CTXN2: variants seen among roughly 807,000 people sequenced by gnomAD.
The protein encoded by CTXN2 is cortexin-2.
In CTXN2, 3 loss-of-function variants were observed where a neutral mutation model predicts 5.7. The observed-to-expected ratio is 0.53, with a 90% CI of 0.24 to 1.36. The LOEUF is 1.36. CTXN2 is among the 40% of genes most tolerant of loss of function. The probability of loss-of-function intolerance (pLI) is 0.17; values close to 1 mark genes in which losing one functional copy is unlikely to be tolerated. For synonymous variants in CTXN2, 38 were observed against 36.4 expected (o/e 1.04, Z -0.16); for missense variants, 87 against 93.0 (o/e 0.94, Z 0.26).
At chr15:48,194,554 A>T (rs2040859366) in intron 1 of CTXN2, among the ~76,000 whole-genome samples, 1 of 152,152 alleles carries the variant, frequency 6.6e-6, no homozygotes, top group African/African-American at 2.4e-5. Flanking sequence ...GCAGAATTTG[A>T]CACTGTTTGC....
rs757160687 is a variant in CTXN2, at chr15:48,202,626, G to A, written c.*1080G>A. On this transcript the variant is annotated 3_prime_UTR_variant, in exon 2 of 2. Coordinates refer to ENST00000417307, the MANE Select transcript of CTXN2 (RefSeq NM_001145668.2). ...TCAGCAATATTGAGAGGGCCAATTAGATATAATGAATGTGAAAGCATTTTG... is the reference window on the plus strand; with the variant it reads ...TCAGCAATATTGAGAGGGCCAATTAAATATAATGAATGTGAAAGCATTTTG... The A allele has an allele frequency of 6.0e-6, 1 of 166,980 alleles. No homozygotes were observed. The highest frequency in any genetic ancestry group is 2.4e-5 in the African/African-American group (1 of 41,426). The allele number at this position is 166,980 out of a possible 1,614,324, so 10.3% of individuals were successfully genotyped here.
chr15:48,193,604 A>G (rs1272154412), intron 1 of CTXN2, among the ~76,000 whole-genome samples: 1 of 152,052 alleles, frequency 6.6e-6, no homozygotes, highest in South Asian at 2.1e-4. Flanking sequence ...TAGGCATTAC[A>G]GTGTCTGTTG....
intron 1 of CTXN2, chr15:48,192,087 G>C (rs1467513323): frequency 1.6e-5 from 5 of 305,346 alleles, no homozygotes; most frequent in African/African-American, 1.1e-4. Context: ...CTGCCAGGCG[G>C]GGGAAAAGTG....
At chr15:48,193,160 A>G (rs1257596964) in intron 1 of CTXN2, among the ~76,000 whole-genome samples, 1 of 152,154 alleles carries the variant, frequency 6.6e-6, no homozygotes, top group East Asian at 1.9e-4. Context: ...CCCTGGCCCA[A>G]TCTTATGACT....
In CTXN2 at chr15:48,203,747, T is replaced by G. The variant is rs1342048476; in HGVS notation, c.*2201T>G. ...TTCCAAATCCACTAAAGAAAAATTC[T>G]ATTAACCAAAAGTGTCTTCATCTGT... On this transcript the variant is annotated 3_prime_UTR_variant, in exon 2 of 2. Transcript: ENST00000417307. 6.0e-6 allele frequency: 1 copy of G among 165,906 alleles called. No individual in the cohort carries two copies. Among genetic ancestry groups the G allele is most frequent in the Non-Finnish European group, 1.5e-5 (1 of 68,098 alleles). 10.3% of individuals were successfully genotyped at this position (165,906 alleles called of 1,614,324 possible).
At position 48,191,849 on chromosome 15, in the gene CTXN2, G is replaced by A. The variant is rs1191903092; in HGVS notation, c.-62G>A. The A allele has an allele frequency of 2.2e-6, 1 of 455,766 alleles. No individual in the cohort carries two copies. Among genetic ancestry groups the A allele is most frequent in the Non-Finnish European group, 4.4e-6 (1 of 226,718 alleles). The allele number at this position is 455,766 out of a possible 1,614,324, so 28.2% of individuals were successfully genotyped here. On this transcript the variant is annotated 5_prime_UTR_variant, in exon 1 of 2. An upstream start codon of the reference 5' UTR is lost. Transcript: ENST00000417307. ...ACTTCATCTCCATGGCAACAAGCAT[G>A]GAAGGTGAGACATCGCTGTCTGCGA...
chr15:48,179,821 C>A (rs2140965297), intron 1 of CTXN2, among the ~76,000 whole-genome samples: 1 of 152,322 alleles, frequency 6.6e-6, no homozygotes, highest in Non-Finnish European at 1.5e-5. Flanking sequence ...TCCCACAGCA[C>A]TAAATTATAA....
intron 1 of CTXN2, among the ~76,000 whole-genome samples, chr15:48,194,232 A>C (rs907289439): frequency 6.6e-6 from 1 of 152,046 alleles, no homozygotes; most frequent in Non-Finnish European, 1.5e-5. Context: ...TTTGTTAAAA[A>C]TGGAAATTTT....
At chr15:48,191,980 G>C (rs905973894) in intron 1 of CTXN2, 127 bp downstream of exon 1, 2 of 383,244 alleles carry the variant, frequency 5.2e-6, no homozygotes, top group Admixed American at 2.9e-5. Flanking sequence ...CAAAAGAGCG[G>C]GGGGTGGGGC....
At chr15:48,183,303 T>C (rs1202818433) in intron 1 of CTXN2, among the ~76,000 whole-genome samples, 2 of 152,162 alleles carry the variant, frequency 1.3e-5, no homozygotes, top group African/African-American at 4.8e-5. Context: ...AAATTATAGA[T>C]AGAAAACAAC....
At chr15:48,182,445 C>G (rs2040707987) in intron 1 of CTXN2, among the ~76,000 whole-genome samples, 1 of 152,150 alleles carries the variant, frequency 6.6e-6, no homozygotes, top group Non-Finnish European at 1.5e-5. Flanking sequence ...AGCCCTTTTC[C>G]TCAAGGGTCA....
chr15:48,199,232 G>T (rs1470435872), intron 1 of CTXN2, among the ~76,000 whole-genome samples: 2 of 152,158 alleles, frequency 1.3e-5, no homozygotes, highest in African/African-American at 4.8e-5. Flanking sequence ...TCCCTGGGAA[G>T]GGCCACGACT....
Position 48,201,788 on chromosome 15 carries a change from C to G in CTXN2, c.*242C>G. 2.0e-6 allele frequency: 1 copy of G among 497,918 alleles called. No homozygotes were observed. The highest frequency in any genetic ancestry group is 3.7e-6 in the Non-Finnish European group (1 of 268,470). 30.8% of individuals were successfully genotyped at this position (497,918 alleles called of 1,614,324 possible). ...ATAAGGATGGCTGCCGCCATGTTTA[C>G]CATCTTTATTCTTATCTTGAACAAC... On this transcript the variant is annotated 3_prime_UTR_variant, in exon 2 of 2. Transcript: ENST00000417307.
At chr15:48,189,625 T>A (rs1296325980), upstream of CTXN2, 2 of 152,230 alleles carry the variant, frequency 1.3e-5, no homozygotes, top group African/African-American at 4.8e-5. Flanking sequence ...AAAAAATTGT[T>A]CATACTGTAC....
At chr15:48,191,937 G>C (rs2040827689) in intron 1 of CTXN2, 84 bp downstream of exon 1, 2 of 419,010 alleles carry the variant, frequency 4.8e-6, no homozygotes, top group Admixed American at 5.0e-5. Flanking sequence ...GTCCAGATGA[G>C]AAGCATGTCC....
rs187454741 is a variant in CTXN2, at chr15:48,202,426, T to C, written c.*880T>C. 237 of 167,140 alleles carry C rather than the reference T, an allele frequency of 1.4e-3. No individual in the cohort carries two copies. The highest frequency in any genetic ancestry group is 5.5e-3 in the African/African-American group (227 of 41,560). The allele number at this position is 167,140 out of a possible 1,614,324, so 10.4% of individuals were successfully genotyped here. ...ACAAATGTATCTGAAAACCCAGAGA[T>C]CTGAAATGAATGAGGATTTAAGATA... is the stretch of plus-strand genomic sequence containing the variant. On this transcript the variant is annotated 3_prime_UTR_variant, in exon 2 of 2. Transcript: ENST00000417307.
At chr15:48,186,580 T>A (rs774080280) in intron 1 of CTXN2, among the ~76,000 whole-genome samples, 3 of 151,824 alleles carry the variant, frequency 2.0e-5, no homozygotes, top group Non-Finnish European at 2.9e-5. Flanking sequence ...GGGAAAAAAA[T>A]AGAAAACTAA....
At position 48,201,222 on chromosome 15, in the gene CTXN2, CTG is replaced by C; in HGVS notation, c.-57-21_-57-20del. 2.0e-6 allele frequency: 3 copies of C among 1,467,048 alleles called. No homozygotes were observed. Among genetic ancestry groups the C allele is most frequent in the Non-Finnish European group, 2.8e-6 (3 of 1,081,704 alleles). 90.9% of individuals were successfully genotyped at this position (1,467,048 alleles called of 1,614,324 possible). On this transcript the variant is annotated intron_variant, in intron 1 of 1. Transcript: ENST00000417307. ...AATACCATACAAGGGTAAAACTAAACTGAGTCCAATTTTGTACCTAGGCAAAG... is the reference window on the plus strand; with the variant it reads ...AATACCATACAAGGGTAAAACTAAACAGTCCAATTTTGTACCTAGGCAAAG...
intron 1 of CTXN2, among the ~76,000 whole-genome samples, chr15:48,199,817 C>CA (rs1002437811): frequency 2.0e-5 from 3 of 151,888 alleles, no homozygotes; most frequent in Admixed American, 6.6e-5. Flanking sequence ...TTGATTAGGA[C>CA]AAAAAATGAC....
Sources: gnomAD v4.1 joint callset for allele counts (sites outside exome capture counted in the v4.1 genomes callset) on GRCh38, gnomAD v4.1.1 for gene constraint, MANE v1.5 for transcripts, NCBI Gene and HGNC (gene_info 2026-07-23, HGNC 2026-07-21) for gene names.